SYT17: variants seen among roughly 807,000 people sequenced by gnomAD.
SYT17 encodes the protein synaptotagmin 17.
SYT17 carries 22 observed loss-of-function variants against 46.7 expected under a neutral mutation model. The observed-to-expected ratio is 0.47, with a 90% CI of 0.34 to 0.67. The LOEUF (loss-of-function observed/expected upper bound fraction) is 0.67, where lower values mean the gene tolerates loss of function less well. Ranked by LOEUF, SYT17 falls within the 30% of genes least tolerant of loss-of-function variation. SYT17 has a pLI of 0.01. For synonymous variants in SYT17, 251 were observed against 248.4 expected (o/e 1.01, Z -0.10); for missense variants, 519 against 612.8 (o/e 0.85, Z 1.62).
Position 19,239,714 on chromosome 16 carries a change from C to A in SYT17, c.1228+14876C>A, listed in dbSNP as rs369005071. On this transcript the variant is annotated intron_variant, in intron 7 of 7. Transcript: ENST00000355377. ...GTGTTGCTTTTCTGGCCGGAAACCA[C>A]TGTGCCTGGTGGCGCCTTTGTCTGA... Among the ~76,000 whole-genome samples, 101 of 152,342 alleles carry A rather than the reference C, an allele frequency of 6.6e-4. 1 individual carries two copies. Among genetic ancestry groups the A allele is most frequent in the African/African-American group, 2.4e-3 (99 of 41,570 alleles).
chr16:19,237,086 T>G (rs1455876097), intron 7 of SYT17, among the ~76,000 whole-genome samples: 1 of 152,194 alleles, frequency 6.6e-6, no homozygotes, highest in Non-Finnish European at 1.5e-5. Context: ...TAGGCCTCTT[T>G]TTGGGTAAGA....
In SYT17 at chr16:19,267,017, A is replaced by G; in HGVS notation, c.1366A>G (p.Ser456Gly). 1 of 1,613,042 alleles carries G rather than the reference A, an allele frequency of 6.2e-7. No individual in the cohort carries two copies. Among genetic ancestry groups the G allele is most frequent in the Non-Finnish European group, 8.5e-7 (1 of 1,179,926 alleles). The change falls in exon 8 of 8, where the codon AGC (serine) becomes GGC (glycine). Residue 456 changes from serine (S) to glycine (G), a missense_variant. By Grantham distance (56) the Ser-to-Gly change is moderately conservative (BLOSUM62 0). Transcript: ENST00000355377. ...THRTAVEQWH[S>G]LRSRAECDRV... Reference sequence around the variant, plus strand: ...CCGCACAGCCGTGGAGCAGTGGCATAGCCTGAGGTCCCGAGCTGAGTGTGA... The same window carrying G: ...CCGCACAGCCGTGGAGCAGTGGCATGGCCTGAGGTCCCGAGCTGAGTGTGA...
chr16:19,210,766 G>C (rs868690586), intron 5 of SYT17, among the ~76,000 whole-genome samples: 1 of 152,104 alleles, frequency 6.6e-6, no homozygotes, highest in Non-Finnish European at 1.5e-5. Context: ...TTATCCAACC[G>C]GTGAGAGCAA....
intron 7 of SYT17, among the ~76,000 whole-genome samples, chr16:19,228,076 T>G (rs1966557855): frequency 6.6e-6 from 1 of 152,076 alleles, no homozygotes; most frequent in Non-Finnish European, 1.5e-5. Flanking sequence ...TGACAGAACT[T>G]CAGGGATTGT....
chr16:19,266,975 C>T lies in SYT17; in HGVS notation c.1324C>T (p.Arg442Cys), dbSNP rs200022454. Residue 442 changes from arginine (R) to cysteine (C), a missense_variant, in exon 8 of 8, where the codon CGC becomes TGC. Coordinates refer to ENST00000355377, the MANE Select transcript of SYT17 (RefSeq NM_016524.4). Reference sequence around the variant, plus strand: ...CCCCTCTGAGACCAACCACTGGAGGCGCATGCTCAACACGCACCGCACAGC... The same window carrying T: ...CCCCTCTGAGACCAACCACTGGAGGTGCATGCTCAACACGCACCGCACAGC... ...SGPSETNHWR[R>C]MLNTHRTAVE... 4.3e-5 allele frequency: 69 copies of T among 1,613,866 alleles called. 1 individual carries two copies. The highest frequency in any genetic ancestry group is 6.6e-5 in the South Asian group (6 of 91,040).
At chr16:19,197,443 TTTGTTA>T (rs1305651896) in intron 5 of SYT17, among the ~76,000 whole-genome samples, 1 of 145,326 alleles carries the variant, frequency 6.9e-6, no homozygotes, top group East Asian at 1.9e-4. Context: ...TGTTTGTTTG[TTTGTTA>T]TTATTATTAT....
At chr16:19,211,524 T>C in intron 5 of SYT17, 1 of 701,554 alleles carries the variant, frequency 1.4e-6, no homozygotes, top group Non-Finnish European at 2.6e-6. Flanking sequence ...AGGGGTGTTT[T>C]CAACTGAGTG....
chr16:19,190,051 A>G (rs1964951006), intron 5 of SYT17, among the ~76,000 whole-genome samples: 1 of 152,232 alleles, frequency 6.6e-6, no homozygotes, highest in Non-Finnish European at 1.5e-5. Flanking sequence ...ATAAGACCAT[A>G]CAGTGAGTAG....
chr16:19,193,424 A>G (rs763800201), intron 5 of SYT17, among the ~76,000 whole-genome samples: 1 of 152,224 alleles, frequency 6.6e-6, no homozygotes, highest in African/African-American at 2.4e-5. Flanking sequence ...GGAATGCTGG[A>G]TATTTATGTT....
Position 19,173,424 on chromosome 16 carries a change from C to A in SYT17, c.34-6C>A. On this transcript the variant is annotated splice_region_variant and splice_polypyrimidine_tract_variant and intron_variant, in intron 2 of 7. Transcript: ENST00000355377. ...TCCCCCCGCCCACCTCCCCCAATGG[C>A]CTCAGGGTTTTCTTTCTAGAATCTC... The A allele has an allele frequency of 8.5e-7, 1 of 1,181,348 alleles. No homozygotes were observed. The highest frequency in any genetic ancestry group is 1.1e-6 in the Non-Finnish European group (1 of 878,912). The allele number at this position is 1,181,348 out of a possible 1,614,324, so 73.2% of individuals were successfully genotyped here. A position where few individuals can be genotyped will look rare whatever the true frequency, so the allele number is the denominator to read the frequency against.
chr16:19,246,069 G>A (rs757671036), intron 7 of SYT17, among the ~76,000 whole-genome samples: 64 of 151,294 alleles, frequency 4.2e-4, no homozygotes, highest in East Asian at 3.9e-3. Flanking sequence ...CCAGTGGTGC[G>A]ATCTTGGCTC....
intron 7 of SYT17, among the ~76,000 whole-genome samples, chr16:19,256,515 T>C (rs1299756357): frequency 6.8e-6 from 1 of 147,580 alleles, no homozygotes; most frequent in Non-Finnish European, 1.5e-5. Flanking sequence ...ATCTGGCCCT[T>C]ATCACAGGAG....
At position 19,243,819 on chromosome 16, in the gene SYT17, CA is replaced by C. The variant is rs760219447; in HGVS notation, c.1228+19008del. The stretch of plus-strand genomic sequence containing the variant: ...GGCAACAAGAGCGAAAAAACTCCAT[CA>C]AAAAAAAAAAAAAAAAAAAAAAAAA... On this transcript the variant is annotated intron_variant, in intron 7 of 7. Transcript: ENST00000355377. Among the ~76,000 whole-genome samples the C allele has an allele frequency of 9.8e-3, 560 of 56,902 alleles. 2 individuals carry two copies. The highest frequency in any genetic ancestry group is 0.027 in the African/African-American group (402 of 14,776). The allele number at this position is 56,902 out of a possible 152,430, so 37.3% of individuals were successfully genotyped here. A position where few individuals can be genotyped will look rare whatever the true frequency, so the allele number is the denominator to read the frequency against.
At chr16:19,213,890 C>T (rs1965996013) in intron 5 of SYT17, among the ~76,000 whole-genome samples, 2 of 152,092 alleles carry the variant, frequency 1.3e-5, no homozygotes, top group South Asian at 2.1e-4. Flanking sequence ...GTTCAGGGTA[C>T]AGTTATGTAT....
chr16:19,178,320 C>T (rs575801830), intron 3 of SYT17, among the ~76,000 whole-genome samples: 37 of 151,972 alleles, frequency 2.4e-4, no homozygotes, highest in African/African-American at 5.3e-4. Context: ...GTCCTGACCT[C>T]GTGATCCACC....
intron 5 of SYT17, among the ~76,000 whole-genome samples, chr16:19,192,080 C>T (rs1186765290): frequency 3.3e-5 from 5 of 152,184 alleles, no homozygotes; most frequent in South Asian, 4.1e-4. Flanking sequence ...ACCGCGCGGC[C>T]GCACTGTACA....
At chr16:19,260,336 C>CAAAAAAAAA (rs34504914) in intron 7 of SYT17, among the ~76,000 whole-genome samples, 1 of 22,884 alleles carries the variant, frequency 4.4e-5, no homozygotes, top group Non-Finnish European at 7.1e-5. Context: ...CAGAAAATAC[C>CAAAAAAAAA]AAAAAAAAAA....
chr16:19,179,360 G>A (rs952202699), intron 3 of SYT17, among the ~76,000 whole-genome samples: 1 of 151,922 alleles, frequency 6.6e-6, no homozygotes, highest in African/African-American at 2.4e-5. Context: ...AAACTTTCGA[G>A]CTCAAGTGAT....
chr16:19,256,437 AACACACACACACACAC>A (rs57120408), intron 7 of SYT17, among the ~76,000 whole-genome samples: 11 of 129,030 alleles, frequency 8.5e-5, no homozygotes, highest in South Asian at 2.9e-4. Flanking sequence ...CCCCTCTTCA[AACACACACACACACAC>A]ACACACACAC....
Sources: gnomAD v4.1 joint callset for allele counts (sites outside exome capture counted in the v4.1 genomes callset) on GRCh38, gnomAD v4.1.1 for gene constraint, MANE v1.5 for transcripts, NCBI Gene and HGNC (gene_info 2026-07-23, HGNC 2026-07-21) for gene names.